The following SLC14A2 variants were observed in gnomAD, a reference collection of about 807,000 sequenced individuals.
The protein encoded by SLC14A2 is solute carrier family 14 member 2.
Under a neutral mutation model 104.6 loss-of-function variants are expected in SLC14A2, and 91 were observed. The observed-to-expected ratio is 0.87, with a 90% CI of 0.73 to 1.04. The LOEUF is 1.04. Among genes scored for constraint, SLC14A2 ranks in the 50% least tolerant of loss-of-function variants. The pLI is 0.00. For synonymous variants in SLC14A2, 476 were observed against 466.4 expected, an observed-to-expected ratio of 1.02 and a Z score of -0.27; for missense variants, 1,189 against 1,156.0, an observed-to-expected ratio of 1.03 and a Z score of -0.41.
Position 45,673,743 on chromosome 18 carries a change from C to T in SLC14A2, c.2438C>T (p.Thr813Ile), listed in dbSNP as rs754135362. The change falls in exon 18 of 20, where the codon ACC (threonine) becomes ATC (isoleucine). Residue 813 changes from threonine (T) to isoleucine (I), a missense_variant. Thr to Ile is a moderately conservative substitution (Grantham distance 89). Transcript: ENST00000255226. ...TTCGGCCTGTGTGGCTTCAACAGCA[C>T]CCTCGCATGCATAGCGATAGGAGGC... is the stretch of plus-strand genomic sequence containing the variant. ...IYFGLCGFNS[T>I]LACIAIGGMF... 3 of 1,614,206 alleles carry T rather than the reference C, an allele frequency of 1.9e-6. No individual in the cohort carries two copies. The highest frequency in any genetic ancestry group is 2.5e-6 in the Non-Finnish European group (3 of 1,180,022).
intron 1 of SLC14A2, among the ~76,000 whole-genome samples, chr18:45,351,295 C>G (rs1167035729): frequency 6.6e-6 from 1 of 152,088 alleles, no homozygotes; most frequent in Non-Finnish European, 1.5e-5. Flanking sequence ...GGGTCTCCAA[C>G]CCAAATAGCC....
intron 2 of SLC14A2, among the ~76,000 whole-genome samples, chr18:45,531,507 A>T (rs891375196): frequency 4.6e-4 from 70 of 152,336 alleles, no homozygotes; most frequent in African/African-American, 1.6e-3. Context: ...TCTTTTGAGA[A>T]GGGTCTGTTC....
At chr18:45,249,358 G>A (rs1319713805) in intron 1 of SLC14A2, among the ~76,000 whole-genome samples, 1 of 150,950 alleles carries the variant, frequency 6.6e-6, no homozygotes, top group African/African-American at 2.4e-5. Context: ...GTGCCTGTGT[G>A]TGTGCTGAAC....
At chr18:45,545,594 A>G (rs2043957124) in intron 2 of SLC14A2, among the ~76,000 whole-genome samples, 1 of 152,204 alleles carries the variant, frequency 6.6e-6, no homozygotes, top group Admixed American at 6.5e-5. Context: ...ACACGCCATG[A>G]TATTCAGTAT....
intron 1 of SLC14A2, among the ~76,000 whole-genome samples, chr18:45,339,115 C>T (rs1470840289): frequency 2.0e-5 from 3 of 151,944 alleles, no homozygotes; most frequent in African/African-American, 7.3e-5. Flanking sequence ...TTTTCTGTTT[C>T]TGTTGTTGTT....
chr18:45,208,624 G>A (rs562133091), upstream of SLC14A2, among the ~76,000 whole-genome samples: 1 of 152,278 alleles, frequency 6.6e-6, no homozygotes, highest in East Asian at 1.9e-4. Flanking sequence ...AAACTGAAGA[G>A]CCCGCCTTAC....
intron 2 of SLC14A2, among the ~76,000 whole-genome samples, chr18:45,572,888 T>G (rs898965771): frequency 6.6e-6 from 1 of 152,134 alleles, no homozygotes; most frequent in African/African-American, 2.4e-5. Flanking sequence ...TAAAAAAAAA[T>G]TCTATAAGGA....
At chr18:45,169,348 T>C in the SLC14A2 span, among the ~76,000 whole-genome samples, 1 of 152,170 alleles carries the variant, frequency 6.6e-6, no homozygotes, top group Non-Finnish European at 1.5e-5. Flanking sequence ...ATTCTGACGT[T>C]GAGACCTGAG....
rs1211619151 is a variant in SLC14A2 at position 45,632,345 on chromosome 18, G to A, written c.522-5G>A. 1.1e-5 allele frequency: 17 copies of A among 1,609,232 alleles called. No homozygotes were observed. Among genetic ancestry groups the A allele is most frequent in the South Asian group, 5.5e-5 (5 of 90,358 alleles). ...AAATGCAAAATCAGTCTGTTTCACCGCCAGGTCTGCCATTGCCTCAGGACT... is the reference window on the plus strand; with the variant it reads ...AAATGCAAAATCAGTCTGTTTCACCACCAGGTCTGCCATTGCCTCAGGACT... On this transcript the variant is annotated splice_region_variant and splice_polypyrimidine_tract_variant and intron_variant, in intron 4 of 19. Coordinates refer to ENST00000255226, the MANE Select transcript of SLC14A2 (RefSeq NM_007163.4).
Position 45,678,959 on chromosome 18 carries a change from T to C in SLC14A2, c.2513-16T>C, listed in dbSNP as rs2046271138. On this transcript the variant is annotated splice_polypyrimidine_tract_variant and intron_variant, in intron 18 of 19. Transcript: ENST00000255226. Reference sequence around the variant, plus strand: ...AGTTACTGGTCTATTTCTTTCTTTTTTTTTTTTTTTTCTAGCACTGTTTGC... The same window carrying C: ...AGTTACTGGTCTATTTCTTTCTTTTCTTTTTTTTTTTCTAGCACTGTTTGC... 1.9e-6 allele frequency: 3 copies of C among 1,578,604 alleles called. No homozygotes were observed. The highest frequency in any genetic ancestry group is 2.6e-6 in the Non-Finnish European group (3 of 1,168,196).
chr18:45,433,904 C>T (rs2086556792), intron 1 of SLC14A2, among the ~76,000 whole-genome samples: 1 of 152,174 alleles, frequency 6.6e-6, no homozygotes, highest in African/African-American at 2.4e-5. Flanking sequence ...CACATAGACA[C>T]AGGAAGGGCC....
intron 1 of SLC14A2, among the ~76,000 whole-genome samples, chr18:45,623,475 G>A (rs1191464895): frequency 6.6e-6 from 1 of 152,174 alleles, no homozygotes; most frequent in Non-Finnish European, 1.5e-5. Context: ...TGGAGAGGAT[G>A]GTATGGCCAT....
intron 1 of SLC14A2, among the ~76,000 whole-genome samples, chr18:45,417,228 G>A (rs2086287612): frequency 6.6e-6 from 1 of 151,996 alleles, no homozygotes; most frequent in Non-Finnish European, 1.5e-5. Context: ...CAAATTATGG[G>A]GTTTTTTTTA....
At chr18:45,428,143 G>C (rs2086461888) in intron 1 of SLC14A2, among the ~76,000 whole-genome samples, 1 of 152,158 alleles carries the variant, frequency 6.6e-6, no homozygotes, top group Non-Finnish European at 1.5e-5. Context: ...AAATCACCTA[G>C]CTACTGCACC....
At chr18:45,376,163 A>C (rs933601531) in intron 1 of SLC14A2, among the ~76,000 whole-genome samples, 10 of 152,150 alleles carry the variant, frequency 6.6e-5, no homozygotes, top group East Asian at 5.8e-4. Context: ...AGTTAACCTC[A>C]CTTCTAAAAT....
chr18:45,575,347 G>T (rs1390152651), intron 2 of SLC14A2, among the ~76,000 whole-genome samples: 3 of 152,156 alleles, frequency 2.0e-5, no homozygotes, highest in Non-Finnish European at 2.9e-5. Context: ...TGATGGAAGG[G>T]TCACTAAATC....
chr18:45,511,699 AC>A (rs1321977595), intron 2 of SLC14A2, among the ~76,000 whole-genome samples: 1 of 152,218 alleles, frequency 6.6e-6, no homozygotes, highest in Non-Finnish European at 1.5e-5. Flanking sequence ...AGTTGAAACT[AC>A]ATACAAAGGG....
At chr18:45,355,357 C>T (rs944398873) in intron 1 of SLC14A2, among the ~76,000 whole-genome samples, 2 of 151,870 alleles carry the variant, frequency 1.3e-5, no homozygotes, top group Non-Finnish European at 2.9e-5. Flanking sequence ...GGGTGGATCA[C>T]GAGGGCAGGA....
chr18:45,449,751 C>A (rs542898941), intron 1 of SLC14A2, among the ~76,000 whole-genome samples: 3 of 152,138 alleles, frequency 2.0e-5, no homozygotes, highest in Non-Finnish European at 2.9e-5. Flanking sequence ...GGAAAACAAA[C>A]CCCAAGAATC....
Sources: gnomAD v4.1 joint callset for allele counts (sites outside exome capture counted in the v4.1 genomes callset) on GRCh38, gnomAD v4.1.1 for gene constraint, MANE v1.5 for transcripts, NCBI Gene and HGNC (gene_info 2026-07-23, HGNC 2026-07-21) for gene names.